SVOP: variants seen among roughly 807,000 people sequenced by gnomAD.
The protein encoded by SVOP is SV2 related protein.
SVOP carries 17 observed loss-of-function variants against 69.1 expected under a neutral mutation model. The ratio of observed to expected loss-of-function variants is 0.25; its 90% CI spans 0.17 to 0.37. SVOP has a LOEUF of 0.37. Among genes scored for constraint, SVOP ranks in the 10% least tolerant of loss-of-function variants. SVOP has a pLI of 1.00. For missense variants in SVOP, 435 were observed against 597.5 expected (o/e 0.73, Z 2.84); for synonymous variants, 238 against 238.6 (o/e 1.00, Z 0.02).
chr12:108,938,978 C>G, intron 8 of SVOP, 23 bp from the exon 9 acceptor site: 2 of 1,613,802 alleles, frequency 1.2e-6, no homozygotes, highest in Middle Eastern at 1.7e-4. Flanking sequence ...AGACAGGAAA[C>G]CCAGGCGTGG....
At chr12:108,957,649 A>G (rs1472802432) in intron 6 of SVOP, among the ~76,000 whole-genome samples, 1 of 152,206 alleles carries the variant, frequency 6.6e-6, no homozygotes, top group Non-Finnish European at 1.5e-5. Flanking sequence ...TATACCAGAC[A>G]TCTCTTGGTA....
chr12:108,921,723 GA>G (rs1460314548), intron 12 of SVOP, among the ~76,000 whole-genome samples: 1 of 152,142 alleles, frequency 6.6e-6, no homozygotes, highest in African/African-American at 2.4e-5. Flanking sequence ...CATTCCTTCT[GA>G]GATAGTCTTC....
chr12:108,923,226 A>C (rs1356986395), intron 11 of SVOP, among the ~76,000 whole-genome samples: 2 of 152,188 alleles, frequency 1.3e-5, no homozygotes, highest in East Asian at 3.9e-4. Flanking sequence ...AACAGAGTAC[A>C]GCAAAGGTGA....
intron 1 of SVOP, among the ~76,000 whole-genome samples, chr12:108,984,919 A>G (rs2040159076): frequency 1.3e-5 from 2 of 152,164 alleles, no homozygotes; most frequent in Non-Finnish European, 2.9e-5. Flanking sequence ...TTGAGTCCTC[A>G]TAGACTTTTT....
chr12:108,992,665 G>A lies in SVOP; in HGVS notation c.36-8904C>T, dbSNP rs556661837. Among the ~76,000 whole-genome samples, 5 of 152,254 alleles carry A rather than the reference G, an allele frequency of 3.3e-5. No homozygotes were observed. The South Asian group carries it at 6.2e-4, about 19-fold the overall frequency. On this transcript the variant is annotated intron_variant, in intron 1 of 15. Coordinates refer to ENST00000610966, the MANE Select transcript of SVOP (RefSeq NM_018711.5). Reference sequence around the variant, plus strand: ...TAGTCACAAAAGCTCACATAGATATGAGTCCGCTTAAATGAAGTGTCCAGA... The same window carrying A: ...TAGTCACAAAAGCTCACATAGATATAAGTCCGCTTAAATGAAGTGTCCAGA...
intron 1 of SVOP, among the ~76,000 whole-genome samples, chr12:109,010,897 CA>C (rs577914966): frequency 5.3e-5 from 8 of 151,190 alleles, no homozygotes; most frequent in Non-Finnish European, 8.8e-5. Flanking sequence ...GGGGTGTGAA[CA>C]GCTTTAAGTG....
chr12:109,010,333 AT>A (rs938409905), intron 1 of SVOP, among the ~76,000 whole-genome samples: 7 of 152,052 alleles, frequency 4.6e-5, no homozygotes, highest in African/African-American at 1.7e-4. Flanking sequence ...TCACATAATC[AT>A]TCACATGCAA....
rs569907383 is a variant in SVOP, at chr12:108,944,974, G to T, written c.642+129C>A. On this transcript the variant is annotated intron_variant, in intron 7 of 15. Coordinates refer to ENST00000610966, the MANE Select transcript of SVOP (RefSeq NM_018711.5). ...GAAATGATGTAACTGATCCTTTTAC[G>T]TCTTTGCATATTGAGTCTGTAATGT... 9.0e-6 allele frequency: 7 copies of T among 779,042 alleles called. No homozygotes were observed. In the South Asian group the frequency reaches 1.1e-4, roughly 12 times the overall value. The allele number at this position is 779,042 out of a possible 1,614,324, so 48.3% of individuals were successfully genotyped here. A position where few individuals can be genotyped will look rare whatever the true frequency, so the allele number is the denominator to read the frequency against.
chr12:108,956,608 T>C lies in SVOP; in HGVS notation c.578+4315A>G, dbSNP rs140398577. 1.6e-3 allele frequency among the ~76,000 whole-genome samples: 245 copies of C among 152,280 alleles called. 8 individuals carry two copies. In the East Asian group the frequency reaches 0.047, roughly 29 times the overall value. ...CCAGTTTTGAAGGAGCAGCAATTCA[T>C]CTTGACCGAATCGGCACCTATTCTG... On this transcript the variant is annotated intron_variant, in intron 6 of 15. Transcript: ENST00000610966.
At chr12:108,960,865 T>C (rs1241109319) in intron 6 of SVOP, 58 bp downstream of exon 6, 40 of 1,522,708 alleles carry the variant, frequency 2.6e-5, no homozygotes, top group Non-Finnish European at 3.3e-5. Flanking sequence ...ATCCAGACCA[T>C]GAACAGACAC....
At chr12:109,004,468 A>G (rs1390165858) in intron 1 of SVOP, among the ~76,000 whole-genome samples, 1 of 140,836 alleles carries the variant, frequency 7.1e-6, no homozygotes, top group East Asian at 2.2e-4. Context: ...TTTGGAGTGC[A>G]GATCTGGGCT....
chr12:108,972,374 A>G (rs1403517525), intron 5 of SVOP, 31 bp downstream of exon 5: 2 of 1,535,018 alleles, frequency 1.3e-6, no homozygotes, highest in South Asian at 2.4e-5. Context: ...AACCCAGAGG[A>G]CATGCGTTTA....
intron 11 of SVOP, among the ~76,000 whole-genome samples, chr12:108,930,089 TC>T (rs1217191021): frequency 5.3e-5 from 8 of 152,236 alleles, no homozygotes; most frequent in South Asian, 2.1e-4. Flanking sequence ...AATGTTTTTT[TC>T]GAATGATTTT....
intron 11 of SVOP, among the ~76,000 whole-genome samples, chr12:108,931,289 C>G (rs7301289): frequency 0.5 from 75,776 of 152,114 alleles, 20,327 homozygotes; most frequent in East Asian, 0.64. Flanking sequence ...CGAACACAAG[C>G]AGGAACTTGA....
intron 10 of SVOP, among the ~76,000 whole-genome samples, chr12:108,936,622 C>T (rs1387470063): frequency 6.6e-6 from 1 of 152,124 alleles, no homozygotes; most frequent in Non-Finnish European, 1.5e-5. Context: ...ACCACAGGTG[C>T]ATGCCTCCAC....
At chr12:108,986,026 G>A (rs1300859055) in intron 1 of SVOP, among the ~76,000 whole-genome samples, 4 of 152,208 alleles carry the variant, frequency 2.6e-5, no homozygotes, top group African/African-American at 9.6e-5. Flanking sequence ...TGAGCTGTCA[G>A]GCTCGTCTTG....
chr12:108,925,271 G>A (rs1040021761), intron 11 of SVOP, among the ~76,000 whole-genome samples: 99 of 152,064 alleles, frequency 6.5e-4, no homozygotes, highest in East Asian at 5.8e-4. Context: ...GCAAATAAAC[G>A]CCCTCCTTTC....
chr12:109,020,763 C>CCCA (rs1555254153), intron 1 of SVOP, 71 bp downstream of exon 1: 9 of 392,570 alleles, frequency 2.3e-5, no homozygotes, highest in Non-Finnish European at 3.5e-5. Context: ...TACCCCCCCC[C>CCCA]ACCCCCCTTG....
At chr12:108,983,417 G>T (rs1450842616) in intron 2 of SVOP, among the ~76,000 whole-genome samples, 184 bp downstream of exon 2, 1 of 152,156 alleles carries the variant, frequency 6.6e-6, no homozygotes, top group Admixed American at 6.6e-5. Context: ...TGACTGGCAG[G>T]GATTGTGATG....
Sources: allele counts gnomAD v4.1 joint callset (sites outside exome capture counted in the v4.1 genomes callset), GRCh38; gene constraint gnomAD v4.1.1; transcripts MANE v1.5; gene names NCBI Gene and HGNC (gene_info 2026-07-23, HGNC 2026-07-21).